GGNBP2: variants seen among roughly 807,000 people sequenced by gnomAD.
GGNBP2 encodes gametogenetin binding protein 2, also known as gametogenetin-binding protein 2.
GGNBP2 carries 10 observed loss-of-function variants against 85.9 expected under a neutral mutation model. The observed-to-expected ratio is 0.12, with a 90% CI of 0.07 to 0.20. The LOEUF is 0.20. Among genes scored for constraint, GGNBP2 ranks in the 10% least tolerant of loss-of-function variants. GGNBP2 has a pLI of 1.00. For synonymous variants in GGNBP2, 287 were observed against 285.7 expected (o/e 1.00, Z -0.05); for missense variants, 595 against 857.8 (o/e 0.69, Z 3.83).
intron 6 of GGNBP2, among the ~76,000 whole-genome samples, chr17:36,568,406 C>T (rs1555606243): frequency 1.3e-5 from 2 of 152,186 alleles, no homozygotes; most frequent in African/African-American, 4.8e-5. Flanking sequence ...CAGCGGTTCT[C>T]CTGCCTCAGC....
intron 8 of GGNBP2, among the ~76,000 whole-genome samples, chr17:36,580,369 G>A (rs968429871): frequency 1.1e-4 from 16 of 151,182 alleles, no homozygotes; most frequent in African/African-American, 2.2e-4. Flanking sequence ...CACCACGCTC[G>A]GCTAATTTTT....
At chr17:36,579,180 G>A in intron 7 of GGNBP2, 65 bp from the exon 8 acceptor site, 1 of 1,394,944 alleles carries the variant, frequency 7.2e-7, no homozygotes, top group Non-Finnish European at 1.0e-6. Flanking sequence ...TGAACTTGCA[G>A]CTGTGTTATC....
intron 3 of GGNBP2, among the ~76,000 whole-genome samples, chr17:36,556,262 GC>G (rs2074360139): frequency 6.6e-6 from 1 of 152,146 alleles, no homozygotes; most frequent in Non-Finnish European, 1.5e-5. Flanking sequence ...AGGAAGATAG[GC>G]CATGTTTTCT....
intron 6 of GGNBP2, among the ~76,000 whole-genome samples, chr17:36,574,115 A>G (rs986101384): frequency 9.9e-5 from 15 of 152,228 alleles, no homozygotes; most frequent in African/African-American, 3.6e-4. Context: ...TTTTAAGTTT[A>G]ATGCATAGTC....
In GGNBP2 at chr17:36,581,454, G is replaced by A; in HGVS notation, c.1131G>A (p.Arg377=). The change falls in exon 9 of 14, where the codon CGG becomes CGA. Residue 377 remains arginine, a synonymous_variant. Coordinates refer to ENST00000613102, the MANE Select transcript of GGNBP2 (RefSeq NM_024835.5). ...ELKQEKKRQK[R]KNRRKNKCVC... ...AGCAAGAAAAGAAACGCCAAAAACG[G>A]AAGAATAGACGAAAAAATAAGTGTG... The A allele has an allele frequency of 6.2e-7, 1 of 1,613,898 alleles. No individual in the cohort carries two copies. The highest frequency in any genetic ancestry group is 8.5e-7 in the Non-Finnish European group (1 of 1,179,828).
At chr17:36,548,153 TAGTA>T (rs1355300268) in intron 2 of GGNBP2, among the ~76,000 whole-genome samples, 5 of 152,364 alleles carry the variant, frequency 3.3e-5, no homozygotes, top group African/African-American at 1.2e-4. Flanking sequence ...TTATTTCAAA[TAGTA>T]GTCTTAGGAT....
intron 5 of GGNBP2, among the ~76,000 whole-genome samples, chr17:36,562,137 A>G (rs752754423): frequency 3.9e-5 from 6 of 152,270 alleles, no homozygotes; most frequent in Non-Finnish European, 8.8e-5. Flanking sequence ...AGAATGGGAT[A>G]TTAAAAAACT....
rs1400752769 is a variant in GGNBP2, at chr17:36,562,438, GGATTACAGGCGT to G, written c.527+1570_527+1581del. Among the ~76,000 whole-genome samples, 6 of 151,342 alleles carry G rather than the reference GGATTACAGGCGT, an allele frequency of 4.0e-5. No homozygotes were observed. The South Asian group carries it at 1.3e-3, about 32-fold the overall frequency. On this transcript the variant is annotated intron_variant, in intron 5 of 13. Transcript: ENST00000613102. ...CCTGACTTGGTCTCCCAAAGTGCTG[GGATTACAGGCGT>G]GAGCCACTGCACCTGGCCTCTGAAA...
chr17:36,573,389 C>T (rs1010533203), intron 6 of GGNBP2, among the ~76,000 whole-genome samples: 1 of 151,814 alleles, frequency 6.6e-6, no homozygotes, highest in African/African-American at 2.4e-5. Context: ...CTGGGATTAC[C>T]GCACCTGGCT....
At chr17:36,565,673 A>AGATG (rs2074460806) in intron 5 of GGNBP2, among the ~76,000 whole-genome samples, 1 of 152,110 alleles carries the variant, frequency 6.6e-6, no homozygotes, top group African/African-American at 2.4e-5. Flanking sequence ...CGATGCAGGC[A>AGATG]GATCACGAGG....
chr17:36,589,132 T>C, intron 13 of GGNBP2, 76 bp from the exon 14 acceptor site: 1 of 1,042,844 alleles, frequency 9.6e-7, no homozygotes, highest in East Asian at 2.4e-5. Flanking sequence ...ACTGGTTTAA[T>C]TTTTAGCTGT....
At chr17:36,549,419 T>C (rs1210411182) in intron 2 of GGNBP2, among the ~76,000 whole-genome samples, 1 of 152,230 alleles carries the variant, frequency 6.6e-6, no homozygotes, top group East Asian at 1.9e-4. Flanking sequence ...TTGGCCAGGC[T>C]GGTCTTGAAC....
chr17:36,586,011 C>T (rs780619174), intron 11 of GGNBP2, 39 bp from the exon 12 acceptor site: 6 of 1,613,516 alleles, frequency 3.7e-6, no homozygotes, highest in Non-Finnish European at 2.5e-6. Context: ...ACATGGCTGA[C>T]TTAAGAACAT....
intron 9 of GGNBP2, among the ~76,000 whole-genome samples, chr17:36,583,620 G>A (rs1490023670): frequency 2.0e-5 from 3 of 151,898 alleles, no homozygotes; most frequent in Admixed American, 6.6e-5. Context: ...CACCATGCCC[G>A]GCTAATTTTT....
At chr17:36,575,198 C>T (rs1011060753) in intron 6 of GGNBP2, 19 of 639,048 alleles carry the variant, frequency 3.0e-5, no homozygotes, top group East Asian at 1.7e-4. Flanking sequence ...ATGAGCTCTG[C>T]GGCCTCAGCC....
intron 5 of GGNBP2, among the ~76,000 whole-genome samples, chr17:36,564,525 G>A (rs1268574333): frequency 6.6e-6 from 1 of 152,200 alleles, no homozygotes; most frequent in Non-Finnish European, 1.5e-5. Context: ...GAAGTCATAT[G>A]TTTTAGAAGG....
At chr17:36,582,024 T>A (rs1408350999) in intron 9 of GGNBP2, 1 of 152,138 alleles carries the variant, frequency 6.6e-6, no homozygotes, top group Non-Finnish European at 1.5e-5. Flanking sequence ...ACTACAGGCT[T>A]ACCCCACCAG....
chr17:36,588,600 A>ATT (rs138773605), intron 13 of GGNBP2, among the ~76,000 whole-genome samples: 8 of 128,788 alleles, frequency 6.2e-5, no homozygotes, highest in Non-Finnish European at 1.2e-4. Context: ...TTTAATATTT[A>ATT]TTTATTTTTT....
chr17:36,559,488 A>C (rs79722151), intron 4 of GGNBP2, among the ~76,000 whole-genome samples: 10,841 of 152,186 alleles, frequency 0.071, 660 homozygotes, highest in African/African-American at 0.16. Context: ...GAATATAAAT[A>C]GGAAAAGAAG....
Sources: allele counts gnomAD v4.1 joint callset (sites outside exome capture counted in the v4.1 genomes callset), GRCh38; gene constraint gnomAD v4.1.1; transcripts MANE v1.5; gene names NCBI Gene and HGNC (gene_info 2026-07-23, HGNC 2026-07-21).